Variants in SNX14 observed in about 807,000 individuals in gnomAD.
SNX14 encodes sorting nexin-14.
A neutral mutation model predicts 133.8 loss-of-function variants in SNX14; 93 were observed. The ratio of observed to expected loss-of-function variants is 0.70; its 90% CI spans 0.59 to 0.83. The LOEUF (loss-of-function observed/expected upper bound fraction) is 0.83. Among genes scored for constraint, SNX14 ranks in the 40% least tolerant of loss-of-function variants. SNX14 has a pLI of 0.00. For missense variants in SNX14, 945 were observed against 1,094.9 expected, an observed-to-expected ratio of 0.86 and a Z score of 1.93; for synonymous variants, 368 against 365.6, an observed-to-expected ratio of 1.01 and a Z score of -0.07.
chr6:85,560,501 T>C (rs1001437284), intron 6 of SNX14, among the ~76,000 whole-genome samples: 1 of 152,194 alleles, frequency 6.6e-6, no homozygotes, highest in Non-Finnish European at 1.5e-5. Context: ...AGAGGTGATG[T>C]TTATGGCTAG....
intron 1 of SNX14, among the ~76,000 whole-genome samples, chr6:85,582,950 C>G (rs1053152664): frequency 2.6e-5 from 4 of 152,176 alleles, no homozygotes; most frequent in African/African-American, 7.2e-5. Flanking sequence ...GACACCAAAA[C>G]CTGGCAGAGA....
At chr6:85,593,495 GC>G in intron 1 of SNX14, 83 bp downstream of exon 1, 1 of 1,484,740 alleles carries the variant, frequency 6.7e-7, no homozygotes, top group Non-Finnish European at 9.0e-7. Flanking sequence ...CAGCTACGCG[GC>G]CTCCGCACGG....
Position 85,564,849 on chromosome 6 carries a change from C to T in SNX14, c.549+483G>A, listed in dbSNP as rs533192772. On this transcript the variant is annotated intron_variant, in intron 6 of 28. Transcript: ENST00000314673. ...CTAAAAATACAAAAAATTAGCCGGG[C>T]GTGGTGGCATATTCCTGTAGTCCCA... 2.7e-3 allele frequency among the ~76,000 whole-genome samples: 403 copies of T among 151,956 alleles called. 2 individuals are homozygous for T. Among genetic ancestry groups the T allele is most frequent in the Middle Eastern group, 0.02 (6 of 294 alleles).
At chr6:85,563,916 C>T (rs371494731) in intron 6 of SNX14, among the ~76,000 whole-genome samples, 2 of 151,948 alleles carry the variant, frequency 1.3e-5, no homozygotes, top group Non-Finnish European at 1.5e-5. Context: ...TACTATCCCT[C>T]CCCCCTTCCC....
chr6:85,590,538 T>C (rs970844869), intron 1 of SNX14, among the ~76,000 whole-genome samples: 1 of 152,240 alleles, frequency 6.6e-6, no homozygotes, highest in African/African-American at 2.4e-5. Context: ...GAACTCATCT[T>C]CTGCCTGTTG....
intron 19 of SNX14, among the ~76,000 whole-genome samples, chr6:85,529,480 G>C (rs1779578232): frequency 6.6e-6 from 1 of 152,174 alleles, no homozygotes. Context: ...AAAAAGAAAA[G>C]TATGGAGATA....
At chr6:85,544,381 T>C (rs1562285559) in intron 12 of SNX14, among the ~76,000 whole-genome samples, 1 of 151,408 alleles carries the variant, frequency 6.6e-6, no homozygotes, top group Admixed American at 6.6e-5. Flanking sequence ...GAATACAGGA[T>C]ATAAGATTTG....
intron 1 of SNX14, chr6:85,588,964 G>C (rs1157880103): frequency 1.5e-5 from 7 of 453,686 alleles, no homozygotes; most frequent in Non-Finnish European, 3.1e-5. Flanking sequence ...AGGAATTGCA[G>C]GGGTGAAAGA....
In SNX14 at chr6:85,528,991, G is replaced by T. The variant is rs112265151; in HGVS notation, c.1895-629C>A. ...CGCTGGAACCTGAGAGGTGGAGGTTGCTGGGAGTTGAGAGCACACCACTGC... is the reference window on the plus strand; with the variant it reads ...CGCTGGAACCTGAGAGGTGGAGGTTTCTGGGAGTTGAGAGCACACCACTGC... On this transcript the variant is annotated intron_variant, in intron 19 of 28. Transcript: ENST00000314673. Among the ~76,000 whole-genome samples, 933 of 151,844 alleles carry T rather than the reference G, an allele frequency of 6.1e-3. 7 individuals are homozygous for T. Among genetic ancestry groups the T allele is most frequent in the African/African-American group, 0.021 (883 of 41,338 alleles).
intron 21 of SNX14, among the ~76,000 whole-genome samples, chr6:85,520,118 C>T (rs1319890486): frequency 1.3e-5 from 2 of 151,712 alleles, no homozygotes; most frequent in Non-Finnish European, 2.9e-5. Context: ...GGCATGATCT[C>T]GGCTCCCTCC....
intron 4 of SNX14, among the ~76,000 whole-genome samples, chr6:85,571,160 C>T (rs2128189679): frequency 6.6e-6 from 1 of 151,956 alleles, no homozygotes; most frequent in Middle Eastern, 3.4e-3. Flanking sequence ...AGACCACGTC[C>T]TGGCTAACAT....
chr6:85,590,055 T>A (rs1366608759), intron 1 of SNX14, among the ~76,000 whole-genome samples: 1 of 152,230 alleles, frequency 6.6e-6, no homozygotes, highest in African/African-American at 2.4e-5. Flanking sequence ...CATAGTCCAG[T>A]ATCAAAAGAA....
chr6:85,515,738 C>A (rs1774744828), intron 23 of SNX14, among the ~76,000 whole-genome samples: 1 of 151,996 alleles, frequency 6.6e-6, no homozygotes, highest in African/African-American at 2.4e-5. Context: ...ATATATTATT[C>A]CCTCTACTCT....
rs144059723 is a variant in SNX14 at position 85,574,583 on chromosome 6, A to C, written c.141-205T>G. On this transcript the variant is annotated intron_variant, in intron 1 of 28. Transcript: ENST00000314673. ...AAATACATATTTCATTTAAAGGATA[A>C]GGAAGCATAAATGATCAATATTTCA... Among the ~76,000 whole-genome samples the C allele has an allele frequency of 2.0e-4, 31 of 152,368 alleles. No individual in the cohort carries two copies. In the East Asian group the frequency reaches 6.0e-3, roughly 29 times the overall value.
At chr6:85,576,901 G>A (rs780846880) in intron 1 of SNX14, among the ~76,000 whole-genome samples, 7 of 152,144 alleles carry the variant, frequency 4.6e-5, no homozygotes, top group Non-Finnish European at 8.8e-5. Context: ...AGAGTTTTCA[G>A]AAGGATATCA....
At chr6:85,593,517 C>A in intron 1 of SNX14, 62 bp downstream of exon 1, 1 of 1,541,818 alleles carries the variant, frequency 6.5e-7, no homozygotes, top group Non-Finnish European at 8.8e-7. Flanking sequence ...TTAAGCAGCA[C>A]GGGCCGGGCG....
chr6:85,574,755 G>C (rs1796780262), intron 1 of SNX14, among the ~76,000 whole-genome samples: 1 of 152,052 alleles, frequency 6.6e-6, no homozygotes, highest in Admixed American at 6.5e-5. Context: ...GTTATAGACA[G>C]AGGTAGGCCC....
At chr6:85,564,596 A>C (rs898657741) in intron 6 of SNX14, among the ~76,000 whole-genome samples, 3 of 152,230 alleles carry the variant, frequency 2.0e-5, no homozygotes, top group African/African-American at 7.2e-5. Flanking sequence ...ATTAAAATGA[A>C]AGAAAGCAAA....
intron 26 of SNX14, among the ~76,000 whole-genome samples, chr6:85,511,601 A>G (rs569658755): frequency 2.0e-5 from 3 of 152,212 alleles, no homozygotes; most frequent in Admixed American, 6.5e-5. Flanking sequence ...TGCTGAGATC[A>G]TAAGTGGGTG....
Sources: gnomAD v4.1 joint callset for allele counts (sites outside exome capture counted in the v4.1 genomes callset) on GRCh38, gnomAD v4.1.1 for gene constraint, MANE v1.5 for transcripts, NCBI Gene and HGNC (gene_info 2026-07-23, HGNC 2026-07-21) for gene names.